The following CNOT6 variants were observed in gnomAD, a reference collection of about 807,000 sequenced individuals.
The protein encoded by CNOT6 is carbon catabolite repression 4 protein.
A neutral mutation model predicts 61.2 loss-of-function variants in CNOT6; 12 were observed. The observed-to-expected ratio is 0.20, with a 90% CI of 0.13 to 0.32. The LOEUF is 0.32. Among genes scored for constraint, CNOT6 ranks in the 10% least tolerant of loss-of-function variants. The probability of loss-of-function intolerance (pLI) is 1.00; values close to 1 mark genes in which losing one functional copy is unlikely to be tolerated. For missense variants in CNOT6, 405 were observed against 663.9 expected, an observed-to-expected ratio of 0.61 and a Z score of 4.28; for synonymous variants, 225 against 240.6, an observed-to-expected ratio of 0.94 and a Z score of 0.60.
intron 2 of CNOT6, among the ~76,000 whole-genome samples, chr5:180,539,157 G>A (rs1758880666): frequency 7.1e-6 from 1 of 140,902 alleles, no homozygotes. Context: ...CCTAGCAACA[G>A]AGCGAGACTC....
At chr5:180,539,027 G>A (rs1008056780) in intron 2 of CNOT6, among the ~76,000 whole-genome samples, 1 of 150,702 alleles carries the variant, frequency 6.6e-6, no homozygotes, top group Non-Finnish European at 1.5e-5. Context: ...TACAAAAAAT[G>A]AGCTGGGTGT....
chr5:180,569,507 A>T (rs973784055), intron 10 of CNOT6, among the ~76,000 whole-genome samples, 167 bp downstream of exon 10: 12 of 152,196 alleles, frequency 7.9e-5, no homozygotes, highest in African/African-American at 2.7e-4. Flanking sequence ...CATTTTGAAG[A>T]TGAAACGATA....
rs904155240 is a variant in CNOT6 at position 180,574,290 on chromosome 5, T to G, written c.*90T>G. The G allele has an allele frequency of 1.9e-5, 21 of 1,085,594 alleles. No homozygotes were observed. In the African/African-American group the frequency reaches 3.1e-4, roughly 16 times the overall value. 67.2% of individuals were successfully genotyped at this position (1,085,594 alleles called of 1,614,324 possible). A position where few individuals can be genotyped will look rare whatever the true frequency, so the allele number is the denominator to read the frequency against. On this transcript the variant is annotated 3_prime_UTR_variant, in exon 12 of 12. Transcript: ENST00000261951. The stretch of plus-strand genomic sequence containing the variant: ...GTGAGGTATGGCCACTGAGGATTTT[T>G]GCTTGCTTAAGAATGATTTGGACTT...
chr5:180,503,407 G>T (rs11745477), intron 1 of CNOT6, among the ~76,000 whole-genome samples: 40,693 of 151,406 alleles, frequency 0.27, 6,102 homozygotes, highest in Middle Eastern at 0.41. Context: ...GGGATTAGAG[G>T]TACGCGCCAC....
chr5:180,519,268 G>T (rs1202120630), intron 1 of CNOT6, among the ~76,000 whole-genome samples: 1 of 152,224 alleles, frequency 6.6e-6, no homozygotes, highest in East Asian at 1.9e-4. Context: ...AGAAAGCTGT[G>T]TCAGGCAATT....
chr5:180,549,869 A>G, intron 2 of CNOT6, 62 bp from the exon 3 acceptor site: 1 of 1,256,048 alleles, frequency 8.0e-7, no homozygotes, highest in Non-Finnish European at 1.1e-6. Flanking sequence ...TCTTACTGAA[A>G]TCTACAGAAC....
intron 1 of CNOT6, among the ~76,000 whole-genome samples, chr5:180,512,372 G>A (rs2127703623): frequency 6.6e-6 from 1 of 152,302 alleles, no homozygotes; most frequent in Non-Finnish European, 1.5e-5. Context: ...GTATCTGAAG[G>A]ATGGCAGTTT....
intron 1 of CNOT6, among the ~76,000 whole-genome samples, chr5:180,495,153 G>T (rs1756546498): frequency 6.6e-6 from 1 of 152,252 alleles, no homozygotes. Flanking sequence ...GTGGCGCGCT[G>T]TGTGGAGTGT....
chr5:180,495,983 GCTCA>G (rs1247270250), intron 1 of CNOT6, among the ~76,000 whole-genome samples: 1 of 152,104 alleles, frequency 6.6e-6, no homozygotes, highest in Admixed American at 6.5e-5. Context: ...ACAGTTCTCG[GCTCA>G]CTGCAGCCTT....
chr5:180,542,303 C>T (rs535990501), intron 2 of CNOT6, among the ~76,000 whole-genome samples: 9 of 150,334 alleles, frequency 6.0e-5, no homozygotes, highest in East Asian at 3.9e-4. Context: ...CTCGCTCTGT[C>T]GCCCAGGCTG....
At chr5:180,523,533 T>C (rs1757965119) in intron 1 of CNOT6, among the ~76,000 whole-genome samples, 1 of 152,204 alleles carries the variant, frequency 6.6e-6, no homozygotes, top group South Asian at 2.1e-4. Flanking sequence ...TTTCAACAAC[T>C]ATTTCTTTTC....
chr5:180,573,311 T>C (rs1036055528), intron 11 of CNOT6, among the ~76,000 whole-genome samples: 2 of 152,064 alleles, frequency 1.3e-5, no homozygotes, highest in Non-Finnish European at 2.9e-5. Context: ...CCTGCCCTCA[T>C]GGAGCTGAGG....
intron 1 of CNOT6, among the ~76,000 whole-genome samples, chr5:180,514,868 T>C (rs1201581478): frequency 6.6e-6 from 1 of 151,872 alleles, no homozygotes; most frequent in Non-Finnish European, 1.5e-5. Flanking sequence ...ATTTTGGTTG[T>C]GAAGAAAAAA....
chr5:180,510,134 CTTTTTTTTTTTTTTTTTTTTTTT>C (rs56899929), intron 1 of CNOT6, among the ~76,000 whole-genome samples: 1 of 37,384 alleles, frequency 2.7e-5, no homozygotes, highest in Admixed American at 5.5e-4. Context: ...GTCTGTAAAC[CTTTTTTTTTTTTTTTTTTTTTTT>C]TTTTTTTTTT....
rs1352371108 is a variant in CNOT6, at chr5:180,577,438, C to T, written c.*3238C>T. On this transcript the variant is annotated 3_prime_UTR_variant, in exon 12 of 12. Transcript: ENST00000261951. ...AAGGTTTTGGGGTCATATATAAGGA[C>T]TAAAGCCAAGCTAGGCAAAACAATG... The T allele has an allele frequency of 2.0e-5, 3 of 152,530 alleles. No individual in the cohort carries two copies. Among genetic ancestry groups the T allele is most frequent in the South Asian group, 4.1e-4 (2 of 4,834 alleles). The allele number at this position is 152,530 out of a possible 1,614,324, so 9.4% of individuals were successfully genotyped here.
At chr5:180,510,841 G>A (rs971380028) in intron 1 of CNOT6, among the ~76,000 whole-genome samples, 23 of 151,926 alleles carry the variant, frequency 1.5e-4, no homozygotes, top group Non-Finnish European at 2.4e-4. Flanking sequence ...TCTCGCTCTC[G>A]TCACCCAGGC....
rs1370150338 is a variant in CNOT6, at chr5:180,519,238, T to G, written c.-2-10037T>G. Among the ~76,000 whole-genome samples the G allele has an allele frequency of 2.0e-5, 3 of 152,192 alleles. No individual in the cohort carries two copies. In the East Asian group the frequency reaches 5.8e-4, roughly 29 times the overall value. On this transcript the variant is annotated intron_variant, in intron 1 of 11. Coordinates refer to ENST00000261951, the MANE Select transcript of CNOT6 (RefSeq NM_001370472.1). Reference sequence around the variant, plus strand: ...GGTTACAAGGGCTTATTGCAGGAGTTGATGTTGGTTCATTGGTAGAGAAAG... The same window carrying G: ...GGTTACAAGGGCTTATTGCAGGAGTGGATGTTGGTTCATTGGTAGAGAAAG...
intron 1 of CNOT6, among the ~76,000 whole-genome samples, chr5:180,504,762 C>T (rs939437757): frequency 4.6e-5 from 7 of 152,238 alleles, no homozygotes; most frequent in East Asian, 1.9e-4. Flanking sequence ...GGAACTGAGA[C>T]AGTGTCACTC....
intron 11 of CNOT6, among the ~76,000 whole-genome samples, chr5:180,573,633 G>T (rs1197336760): frequency 6.8e-6 from 1 of 147,830 alleles, no homozygotes; most frequent in African/African-American, 2.5e-5. Context: ...GGGCAGGAAA[G>T]AACTTGGTAC....
Sources: allele counts gnomAD v4.1 joint callset (sites outside exome capture counted in the v4.1 genomes callset), GRCh38; gene constraint gnomAD v4.1.1; transcripts MANE v1.5; gene names NCBI Gene and HGNC (gene_info 2026-07-23, HGNC 2026-07-21).